MAF: variants seen among roughly 807,000 people sequenced by gnomAD.
The protein encoded by MAF is MAF bZIP transcription factor.
A neutral mutation model predicts 22.0 loss-of-function variants in MAF; 10 were observed. That is an observed-to-expected ratio of 0.45 (90% CI 0.28 to 0.77). The LOEUF is 0.77. MAF is among the 30% of genes least tolerant of loss of function. The probability of loss-of-function intolerance (pLI) is 0.12; values close to 1 mark genes in which losing one functional copy is unlikely to be tolerated. For synonymous variants in MAF, 337 were observed against 255.8 expected, an observed-to-expected ratio of 1.32 and a Z score of -3.03; for missense variants, 544 against 548.4, an observed-to-expected ratio of 0.99 and a Z score of 0.08.
At chr16:79,287,875 C>T in the MAF span, among the ~76,000 whole-genome samples, 1 of 152,168 alleles carries the variant, frequency 6.6e-6, no homozygotes, top group Non-Finnish European at 1.5e-5. Flanking sequence ...AGGCAGTCAC[C>T]AAACAGACAA....
chr16:79,505,080 C>T, the MAF span, among the ~76,000 whole-genome samples: 290 of 152,264 alleles, frequency 1.9e-3, 1 homozygote, highest in Middle Eastern at 0.01. Flanking sequence ...TCTTCAGCTA[C>T]GTTTTCAAAC....
the MAF span, among the ~76,000 whole-genome samples, chr16:79,549,484 G>C: frequency 6.6e-6 from 1 of 152,228 alleles, no homozygotes; most frequent in African/African-American, 2.4e-5. Flanking sequence ...GGTCATTAAT[G>C]TCAAATTCAA....
At chr16:79,285,423 A>C in the MAF span, among the ~76,000 whole-genome samples, 2 of 152,100 alleles carry the variant, frequency 1.3e-5, no homozygotes, top group Non-Finnish European at 2.9e-5. Flanking sequence ...AGAATGCCTA[A>C]GCTGTACAGC....
chr16:79,571,688 T>A, the MAF span, among the ~76,000 whole-genome samples: 8 of 151,522 alleles, frequency 5.3e-5, no homozygotes, highest in Non-Finnish European at 7.4e-5. Flanking sequence ...CTCTCCTAGG[T>A]TCAGGCAGGA....
chr16:79,286,108 TG>T, the MAF span, among the ~76,000 whole-genome samples: 1 of 152,238 alleles, frequency 6.6e-6, no homozygotes. Context: ...GATAGGCATC[TG>T]GGTGATATGG....
the MAF span, among the ~76,000 whole-genome samples, chr16:79,361,772 T>C: frequency 6.6e-6 from 1 of 151,928 alleles, no homozygotes; most frequent in Non-Finnish European, 1.5e-5. Context: ...CAAGCTGACA[T>C]TGTTTTGATT....
At chr16:79,506,609 G>A in the MAF span, among the ~76,000 whole-genome samples, 7 of 152,170 alleles carry the variant, frequency 4.6e-5, no homozygotes, top group Non-Finnish European at 1.0e-4. Context: ...GGCCAGAGAG[G>A]AAGGCCAAGA....
the MAF span, among the ~76,000 whole-genome samples, chr16:79,216,695 C>G: frequency 1.3e-5 from 2 of 152,168 alleles, no homozygotes; most frequent in Admixed American, 6.5e-5. Context: ...CTTATATTTT[C>G]AACTTACTAT....
At chr16:79,354,150 G>T in the MAF span, among the ~76,000 whole-genome samples, 1 of 151,892 alleles carries the variant, frequency 6.6e-6, no homozygotes, top group Non-Finnish European at 1.5e-5. Flanking sequence ...GCGCACCACC[G>T]TGACTAATTT....
the MAF span, among the ~76,000 whole-genome samples, chr16:79,560,266 T>C: frequency 6.6e-6 from 1 of 152,050 alleles, no homozygotes; most frequent in Admixed American, 6.6e-5. Context: ...ACATATTACT[T>C]TGGAGACATT....
chr16:79,587,595 G>A (rs1912925160), intron 1 of MAF, among the ~76,000 whole-genome samples: 1 of 152,020 alleles, frequency 6.6e-6, no homozygotes, highest in South Asian at 2.1e-4. Flanking sequence ...ATACTTGTGA[G>A]GCATTTTTCA....
At chr16:79,478,980 T>C in the MAF span, among the ~76,000 whole-genome samples, 28 of 137,656 alleles carry the variant, frequency 2.0e-4, no homozygotes, top group South Asian at 4.8e-4. Context: ...GTGCACCACC[T>C]CAGCATACCT....
the MAF span, among the ~76,000 whole-genome samples, chr16:79,329,291 G>C: frequency 6.6e-6 from 1 of 152,136 alleles, no homozygotes; most frequent in Non-Finnish European, 1.5e-5. Flanking sequence ...CTGAGAAATG[G>C]ATGGTAATAA....
At chr16:79,448,772 A>G in the MAF span, among the ~76,000 whole-genome samples, 1 of 151,908 alleles carries the variant, frequency 6.6e-6, no homozygotes, top group Non-Finnish European at 1.5e-5. Context: ...AAAAACACAC[A>G]CAATGCTACT....
At chr16:79,433,275 A>T in the MAF span, among the ~76,000 whole-genome samples, 166 of 138,796 alleles carry the variant, frequency 1.2e-3, no homozygotes, top group African/African-American at 4.0e-3. Flanking sequence ...AGTAAAAAAA[A>T]AAATATATAT....
At chr16:79,503,845 T>C in the MAF span, among the ~76,000 whole-genome samples, 2 of 152,236 alleles carry the variant, frequency 1.3e-5, no homozygotes, top group Non-Finnish European at 2.9e-5. Context: ...ATTCTGTCAT[T>C]ATCTTATTTT....
chr16:79,256,201 G>C, the MAF span, among the ~76,000 whole-genome samples: 17 of 151,594 alleles, frequency 1.1e-4, no homozygotes, highest in African/African-American at 3.4e-4. Context: ...TGTTAGACAG[G>C]ATGGTCTCAA....
chr16:79,325,409 G>C, the MAF span, among the ~76,000 whole-genome samples: 3 of 152,128 alleles, frequency 2.0e-5, no homozygotes, highest in African/African-American at 7.2e-5. Flanking sequence ...TGTGACTCAG[G>C]TATGATCATA....
chr16:79,242,315 C>T, the MAF span, among the ~76,000 whole-genome samples: 1 of 148,276 alleles, frequency 6.7e-6, no homozygotes, highest in Non-Finnish European at 1.5e-5. Context: ...CAAAGACACA[C>T]ATACGCTCAA....
Sources: allele counts gnomAD v4.1 joint callset (sites outside exome capture counted in the v4.1 genomes callset), GRCh38; gene constraint gnomAD v4.1.1; transcripts MANE v1.5; gene names NCBI Gene and HGNC (gene_info 2026-07-23, HGNC 2026-07-21).